Variants in BCL2 observed in about 807,000 individuals in gnomAD.
The protein encoded by BCL2 is BCL2 apoptosis regulator.
Under a neutral mutation model 14.2 loss-of-function variants are expected in BCL2, and 1 was observed. The ratio of observed to expected loss-of-function variants is 0.07; its 90% CI spans 0.02 to 0.33. BCL2 has a LOEUF of 0.33. Ranked by LOEUF, BCL2 falls within the 10% of genes least tolerant of loss-of-function variation. The pLI is 0.99. For synonymous variants in BCL2, 151 were observed against 137.2 expected, an observed-to-expected ratio of 1.10 and a Z score of -0.70; for missense variants, 247 against 305.9, an observed-to-expected ratio of 0.81 and a Z score of 1.44.
intron 2 of BCL2, among the ~76,000 whole-genome samples, chr18:63,306,812 T>G (rs1007269140): frequency 1.3e-5 from 2 of 151,526 alleles, no homozygotes; most frequent in African/African-American, 4.9e-5. Context: ...ATTTGTAAAC[T>G]TTCTTAAAAT....
chr18:63,308,606 A>G (rs1273543429), intron 2 of BCL2, among the ~76,000 whole-genome samples: 1 of 152,220 alleles, frequency 6.6e-6, no homozygotes, highest in African/African-American at 2.4e-5. Context: ...CAAATGTTTA[A>G]TATAGAGCAA....
rs182811931 is a variant in BCL2, at chr18:63,275,718, C to T, written c.585+42364G>A. Among the ~76,000 whole-genome samples, 239 of 152,338 alleles carry T rather than the reference C, an allele frequency of 1.6e-3. 2 individuals carry two copies. The Middle Eastern group carries it at 0.017, about 11-fold the overall frequency. ...TCTGGAAGGCCAGGCATGGGGGATT[C>T]CAGTTACAGGAAAGGCATCTGCCAT... On this transcript the variant is annotated intron_variant, in intron 2 of 2. Coordinates refer to ENST00000333681, the MANE Select transcript of BCL2 (RefSeq NM_000633.3).
rs75512944 is a variant in BCL2, at chr18:63,159,967, A to G, written c.586-31208T>C. Among the ~76,000 whole-genome samples the G allele has an allele frequency of 6.3e-3, 955 of 152,292 alleles. 12 individuals carry two copies. Among genetic ancestry groups the G allele is most frequent in the African/African-American group, 0.021 (889 of 41,540 alleles). On this transcript the variant is annotated intron_variant, in intron 2 of 2. Transcript: ENST00000333681. ...GTTTCCAAACTCAACCCACTTTATTATCTTAAGAGTTTTCATTCTCAGTAT... is the reference window on the plus strand; with the variant it reads ...GTTTCCAAACTCAACCCACTTTATTGTCTTAAGAGTTTTCATTCTCAGTAT...
At position 63,212,352 on chromosome 18, in the gene BCL2, CA is replaced by C. The variant is rs376847924; in HGVS notation, c.586-83594del. On this transcript the variant is annotated intron_variant, in intron 2 of 2. Transcript: ENST00000333681. ...CAAACAAACAAACAAACAACAACAA[CA>C]AAAAAAACACAAAAAAACTCCATTT... 3.6e-4 allele frequency among the ~76,000 whole-genome samples: 52 copies of C among 143,870 alleles called. 1 individual carries two copies. The highest frequency in any genetic ancestry group is 3.4e-3 in the Middle Eastern group (1 of 292). The allele number at this position is 143,870 out of a possible 152,430, so 94.4% of individuals were successfully genotyped here.
chr18:63,220,250 TGATCTAGAACATAAGTTGACC>T lies in BCL2; in HGVS notation c.586-91512_586-91492del, dbSNP rs572343099. Among the ~76,000 whole-genome samples, 141 of 152,318 alleles carry T rather than the reference TGATCTAGAACATAAGTTGACC, an allele frequency of 9.3e-4. 2 individuals are homozygous for T. The East Asian group carries it at 0.021, about 23-fold the overall frequency. On this transcript the variant is annotated intron_variant, in intron 2 of 2. Coordinates refer to ENST00000333681, the MANE Select transcript of BCL2 (RefSeq NM_000633.3). Reference sequence around the variant, plus strand: ...GCAAATAGTTCTGACGAGCTCAAGGTGATCTAGAACATAAGTTGACCGTCTGTCCCAGCATGTTAGGGAAAG... The same window carrying T: ...GCAAATAGTTCTGACGAGCTCAAGGTGTCTGTCCCAGCATGTTAGGGAAAG...
At chr18:63,230,496 T>C (rs1037740979) in intron 2 of BCL2, among the ~76,000 whole-genome samples, 2 of 152,046 alleles carry the variant, frequency 1.3e-5, no homozygotes, top group African/African-American at 4.8e-5. Flanking sequence ...AACAAATCAA[T>C]AGAATCAAAA....
At chr18:63,305,410 C>T (rs1408409530) in intron 2 of BCL2, among the ~76,000 whole-genome samples, 1 of 152,176 alleles carries the variant, frequency 6.6e-6, no homozygotes, top group Non-Finnish European at 1.5e-5. Context: ...GGCTCGTACA[C>T]ACCTTTGTTG....
At chr18:63,144,672 G>A (rs1345426368) in intron 2 of BCL2, among the ~76,000 whole-genome samples, 2 of 152,180 alleles carry the variant, frequency 1.3e-5, no homozygotes, top group South Asian at 2.1e-4. Flanking sequence ...TGAGGCCTCA[G>A]GACTTCAAAT....
rs867742636 is a variant in BCL2 at position 63,199,860 on chromosome 18, A to G, written c.586-71101T>C. Among the ~76,000 whole-genome samples, 56 of 152,054 alleles carry G rather than the reference A, an allele frequency of 3.7e-4. 1 individual carries two copies. The highest frequency in any genetic ancestry group is 3.1e-3 in the Admixed American group (47 of 15,262). On this transcript the variant is annotated intron_variant, in intron 2 of 2. Transcript: ENST00000333681. ...CCTTTTTCAATCAAGAAACCCTGACATTTCCAACCACCACACATGGGGTAA... is the reference window on the plus strand; with the variant it reads ...CCTTTTTCAATCAAGAAACCCTGACGTTTCCAACCACCACACATGGGGTAA...
intron 2 of BCL2, among the ~76,000 whole-genome samples, chr18:63,173,064 A>G (rs931413669): frequency 4.6e-5 from 7 of 152,292 alleles, no homozygotes; most frequent in African/African-American, 1.4e-4. Context: ...AAAACCACAA[A>G]AAGTTTAGCT....
chr18:63,192,710 A>G (rs1158634629), intron 2 of BCL2, among the ~76,000 whole-genome samples: 1 of 151,914 alleles, frequency 6.6e-6, no homozygotes, highest in Non-Finnish European at 1.5e-5. Context: ...CAACCTGGTC[A>G]AGACCTACAT....
intron 2 of BCL2, among the ~76,000 whole-genome samples, chr18:63,301,562 A>G (rs1230042652): frequency 6.6e-6 from 1 of 152,224 alleles, no homozygotes; most frequent in Non-Finnish European, 1.5e-5. Flanking sequence ...AGGGGCTGAA[A>G]TGACTTCCTA....
intron 2 of BCL2, among the ~76,000 whole-genome samples, chr18:63,240,319 G>A (rs56408297): frequency 7.2e-6 from 1 of 139,588 alleles, no homozygotes; most frequent in Non-Finnish European, 1.6e-5. Flanking sequence ...CTTGATATTT[G>A]AGGGTTTCCC....
chr18:63,143,830 G>A (rs1288904360), intron 2 of BCL2, among the ~76,000 whole-genome samples: 1 of 152,230 alleles, frequency 6.6e-6, no homozygotes, highest in African/African-American at 2.4e-5. Context: ...TGCATTCAGG[G>A]ATGCAAACAT....
intron 2 of BCL2, among the ~76,000 whole-genome samples, chr18:63,145,051 A>G (rs1914471976): frequency 6.6e-6 from 1 of 152,214 alleles, no homozygotes; most frequent in Non-Finnish European, 1.5e-5. Flanking sequence ...AATTCTTTCC[A>G]TATTATTCAG....
At chr18:63,178,357 G>A (rs1475564586) in intron 2 of BCL2, among the ~76,000 whole-genome samples, 1 of 152,172 alleles carries the variant, frequency 6.6e-6, no homozygotes, top group East Asian at 1.9e-4. Flanking sequence ...ATGGAAGCGC[G>A]TCTCAGGGGA....
chr18:63,258,818 G>A (rs1038230770), intron 2 of BCL2, among the ~76,000 whole-genome samples: 1 of 152,122 alleles, frequency 6.6e-6, no homozygotes, highest in Admixed American at 6.5e-5. Flanking sequence ...GACTTTTTAC[G>A]GGTTTGCGTC....
intron 2 of BCL2, among the ~76,000 whole-genome samples, chr18:63,260,594 A>G (rs1271710861): frequency 6.6e-6 from 1 of 152,196 alleles, no homozygotes; most frequent in Non-Finnish European, 1.5e-5. Flanking sequence ...AATCCCTAGG[A>G]ATAAACATAA....
At position 63,149,979 on chromosome 18, in the gene BCL2, A is replaced by C. The variant is rs1159305407; in HGVS notation, c.586-21220T>G. 6.6e-6 allele frequency among the ~76,000 whole-genome samples: 1 copy of C among 152,058 alleles called. No individual in the cohort carries two copies. Among genetic ancestry groups the C allele is most frequent in the East Asian group, 1.9e-4 (1 of 5,176 alleles). On this transcript the variant is annotated intron_variant, in intron 2 of 2. Coordinates refer to ENST00000333681, the MANE Select transcript of BCL2 (RefSeq NM_000633.3). The surrounding 1 kb of genome is among the most constrained non-coding windows in gnomAD (Gnocchi z 4.2). The stretch of plus-strand genomic sequence containing the variant: ...ACTGCAGCCTCTGCCTCCCAGGTTC[A>C]AGCAATTCTCCTGCCTCAGTCTTCC...
Sources: allele counts gnomAD v4.1 joint callset (sites outside exome capture counted in the v4.1 genomes callset), GRCh38; gene constraint gnomAD v4.1.1; non-coding constraint Gnocchi (gnomAD v3.1); transcripts MANE v1.5; gene names NCBI Gene and HGNC (gene_info 2026-07-23, HGNC 2026-07-21).